SLC24A2: variants seen among roughly 807,000 people sequenced by gnomAD.
SLC24A2 encodes the protein sodium/potassium/calcium exchanger 2.
Under a neutral mutation model 62.0 loss-of-function variants are expected in SLC24A2, and 36 were observed. The ratio of observed to expected loss-of-function variants is 0.58; its 90% CI spans 0.44 to 0.77. The LOEUF is 0.77. Among genes scored for constraint, SLC24A2 ranks in the 30% least tolerant of loss-of-function variants. SLC24A2 has a pLI of 0.00. For missense variants in SLC24A2, 846 were observed against 817.9 expected (o/e 1.03, Z -0.42); for synonymous variants, 358 against 294.0 (o/e 1.22, Z -2.23).
Position 19,786,170 on chromosome 9 carries a change from G to A in SLC24A2, c.697C>T (p.Leu233=), listed in dbSNP as rs1266105148. Residue 233 remains leucine (L), a synonymous_variant, in exon 2 of 11, where the codon CTG becomes TTG. Coordinates refer to ENST00000341998, the MANE Select transcript of SLC24A2 (RefSeq NM_020344.4). The surrounding 1 kb of genome is among the most constrained non-coding windows in gnomAD (Gnocchi z 5.0). ...CALFSREILN[L]TWWPLFRDVS... is the part of the protein sequence containing the mutation. Reference sequence around the variant, plus strand: ...TCTCGAAAGAGCGGCCACCATGTCAGGTTTAAGATTTCTCTAGAAAACAGA... The same window carrying A: ...TCTCGAAAGAGCGGCCACCATGTCAAGTTTAAGATTTCTCTAGAAAACAGA... The A allele has an allele frequency of 3.7e-6, 6 of 1,614,022 alleles. No homozygotes were observed. The Admixed American group carries it at 8.3e-5, about 22-fold the overall frequency.
intron 9 of SLC24A2, among the ~76,000 whole-genome samples, chr9:19,521,680 C>G (rs754167753): frequency 2.0e-5 from 3 of 152,108 alleles, no homozygotes; most frequent in Non-Finnish European, 4.4e-5. Context: ...GTGTTAATTT[C>G]TTGACATTTT....
chr9:20,247,762 G>A, the SLC24A2 span, among the ~76,000 whole-genome samples: 8 of 152,128 alleles, frequency 5.3e-5, no homozygotes, highest in East Asian at 5.8e-4. Context: ...CTTTTCAGGC[G>A]ACCATCACAA....
the SLC24A2 span, among the ~76,000 whole-genome samples, chr9:19,908,260 G>A: frequency 2.0e-5 from 2 of 102,292 alleles, no homozygotes; most frequent in Non-Finnish European, 3.9e-5. Flanking sequence ...AATAAATGGT[G>A]CTGGGAAAAC....
intron 6 of SLC24A2, among the ~76,000 whole-genome samples, chr9:19,575,804 T>G (rs1835993437): frequency 6.6e-6 from 1 of 152,140 alleles, no homozygotes; most frequent in African/African-American, 2.4e-5. Flanking sequence ...AAAAGACAAG[T>G]CAACATGTGA....
intron 5 of SLC24A2, among the ~76,000 whole-genome samples, chr9:19,595,788 T>C (rs913512319): frequency 6.6e-6 from 1 of 152,040 alleles, no homozygotes; most frequent in Non-Finnish European, 1.5e-5. Flanking sequence ...ATGGACAGGA[T>C]GGAGGAAAGA....
the SLC24A2 span, among the ~76,000 whole-genome samples, chr9:19,828,491 A>G: frequency 3.3e-5 from 5 of 152,192 alleles, no homozygotes; most frequent in African/African-American, 1.2e-4. Flanking sequence ...AACCAAAAGA[A>G]CCTGAATATG....
the SLC24A2 span, among the ~76,000 whole-genome samples, chr9:20,224,540 A>T: frequency 0.14 from 21,072 of 152,106 alleles, 1,739 homozygotes; most frequent in African/African-American, 0.22. Context: ...CCATTTGGTT[A>T]TATCTGCTAT....
the SLC24A2 span, among the ~76,000 whole-genome samples, chr9:20,284,079 A>C: frequency 6.6e-6 from 1 of 152,070 alleles, no homozygotes; most frequent in African/African-American, 2.4e-5. Context: ...CCGAATTATC[A>C]TTTCTATAGA....
the SLC24A2 span, among the ~76,000 whole-genome samples, chr9:20,276,351 T>G: frequency 6.6e-6 from 1 of 152,166 alleles, no homozygotes; most frequent in Non-Finnish European, 1.5e-5. Flanking sequence ...GGCAGGCAAA[T>G]TAAAGCTCCA....
rs529368727 is a variant in SLC24A2, at chr9:19,728,821, A to G, written c.930+57116T>C. 3.9e-5 allele frequency among the ~76,000 whole-genome samples: 6 copies of G among 152,328 alleles called. No homozygotes were observed. The East Asian group carries it at 5.8e-4, about 15-fold the overall frequency. On this transcript the variant is annotated intron_variant, in intron 2 of 10. Coordinates refer to ENST00000341998, the MANE Select transcript of SLC24A2 (RefSeq NM_020344.4). Reference sequence around the variant, plus strand: ...TTACTGATGAGAGAGGGCATATTCAATATCAAAAAATTGTCATTTTTATTT... The same window carrying G: ...TTACTGATGAGAGAGGGCATATTCAGTATCAAAAAATTGTCATTTTTATTT...
At chr9:20,029,384 C>A in the SLC24A2 span, among the ~76,000 whole-genome samples, 15 of 152,264 alleles carry the variant, frequency 9.9e-5, 1 homozygote, top group East Asian at 2.5e-3. Flanking sequence ...TTTTCATGGG[C>A]AAGGTGAATT....
At chr9:19,751,438 G>A (rs1380891355) in intron 2 of SLC24A2, among the ~76,000 whole-genome samples, 1 of 152,142 alleles carries the variant, frequency 6.6e-6, no homozygotes, top group East Asian at 1.9e-4. Flanking sequence ...GTGGGTTCCA[G>A]CCCACTGGAG....
the SLC24A2 span, among the ~76,000 whole-genome samples, chr9:19,802,250 G>A: frequency 3.3e-5 from 5 of 152,098 alleles, no homozygotes; most frequent in African/African-American, 1.2e-4. Flanking sequence ...TCTGTATTTT[G>A]GGAGAAGCAC....
In SLC24A2 at chr9:19,607,452, C is replaced by T. The variant is rs190450145; in HGVS notation, c.1079-10173G>A. Among the ~76,000 whole-genome samples, 3 of 152,132 alleles carry T rather than the reference C, an allele frequency of 2.0e-5. 1 individual carries two copies. The highest frequency in any genetic ancestry group is 2.0e-4 in the Admixed American group (3 of 15,296). On this transcript the variant is annotated intron_variant, in intron 4 of 10. Transcript: ENST00000341998. The stretch of plus-strand genomic sequence containing the variant: ...TTTTTTTGGGCAGGGTGCAGTGGCT[C>T]ACAGCTGTAATCCCAGCACATTGGG...
At chr9:20,065,445 G>A in the SLC24A2 span, among the ~76,000 whole-genome samples, 1 of 152,170 alleles carries the variant, frequency 6.6e-6, no homozygotes, top group Admixed American at 6.5e-5. Context: ...GATGTGGACT[G>A]GACAGAGGAA....
chr9:19,906,677 C>G, the SLC24A2 span, among the ~76,000 whole-genome samples: 1 of 152,076 alleles, frequency 6.6e-6, no homozygotes, highest in Non-Finnish European at 1.5e-5. Flanking sequence ...ATACAAACTA[C>G]CATCAGAGAA....
the SLC24A2 span, among the ~76,000 whole-genome samples, chr9:20,074,559 A>C: frequency 2.0e-4 from 4 of 20,394 alleles, no homozygotes; most frequent in Admixed American, 9.2e-4. Flanking sequence ...AGAAGGCAGG[A>C]AGGAAGGAAG....
intron 2 of SLC24A2, among the ~76,000 whole-genome samples, chr9:19,782,759 A>G (rs946001106): frequency 2.6e-5 from 4 of 152,358 alleles, no homozygotes; most frequent in Admixed American, 2.6e-4. Context: ...TAGATGCTTA[A>G]CATTCATTTC....
At chr9:19,614,652 G>C (rs1269674394) in intron 4 of SLC24A2, among the ~76,000 whole-genome samples, 1 of 151,978 alleles carries the variant, frequency 6.6e-6, no homozygotes, top group Non-Finnish European at 1.5e-5. Flanking sequence ...GATTTCCCAG[G>C]CTAGGTCATA....
Sources: gnomAD v4.1 joint callset for allele counts (sites outside exome capture counted in the v4.1 genomes callset) on GRCh38, gnomAD v4.1.1 for gene constraint, Gnocchi (gnomAD v3.1) non-coding constraint, MANE v1.5 for transcripts, NCBI Gene and HGNC (gene_info 2026-07-23, HGNC 2026-07-21) for gene names.